HS6ST1: variants seen among roughly 807,000 people sequenced by gnomAD.
HS6ST1 encodes heparan sulfate 6-O-sulfotransferase 1, also known as heparan-sulfate 6-O-sulfotransferase 1.
HS6ST1 carries 3 observed loss-of-function variants against 25.2 expected under a neutral mutation model. That is an observed-to-expected ratio of 0.12 (90% CI 0.05 to 0.31). The LOEUF (loss-of-function observed/expected upper bound fraction) is 0.31, where lower values mean the gene tolerates loss of function less well. HS6ST1 is among the 10% of genes least tolerant of loss of function. The probability of loss-of-function intolerance (pLI) is 1.00; values close to 1 mark genes in which losing one functional copy is unlikely to be tolerated. For missense variants in HS6ST1, 310 were observed against 609.6 expected (o/e 0.51, Z 5.18); for synonymous variants, 204 against 275.1 (o/e 0.74, Z 2.56).
chr2:128,314,458 G>A (rs1009322515), intron 1 of HS6ST1, among the ~76,000 whole-genome samples: 19 of 152,204 alleles, frequency 1.2e-4, no homozygotes, highest in Admixed American at 8.5e-4. Context: ...CAACAGGGGA[G>A]CCTAGGAACA....
intron 1 of HS6ST1, among the ~76,000 whole-genome samples, chr2:128,283,634 G>A (rs1293374182): frequency 6.6e-6 from 1 of 152,170 alleles, no homozygotes; most frequent in Non-Finnish European, 1.5e-5. Flanking sequence ...CCTGGTCCTC[G>A]TGAGCATGTC....
intron 1 of HS6ST1, among the ~76,000 whole-genome samples, chr2:128,271,947 G>A (rs982678558): frequency 3.3e-5 from 5 of 152,188 alleles, no homozygotes; most frequent in African/African-American, 1.2e-4. Flanking sequence ...AGGTGAAGCC[G>A]GCACCTTGGG....
intron 1 of HS6ST1, among the ~76,000 whole-genome samples, chr2:128,301,460 C>T (rs1269853955): frequency 6.6e-6 from 1 of 152,150 alleles, no homozygotes; most frequent in Non-Finnish European, 1.5e-5. Context: ...CTTCTGAGAG[C>T]TCAGGATGGA....
At chr2:128,290,246 A>G (rs1262716563) in intron 1 of HS6ST1, 4 of 152,212 alleles carry the variant, frequency 2.6e-5, no homozygotes, top group Admixed American at 6.5e-5. Context: ...CCTACAAAGA[A>G]AGTGCTGGGC....
chr2:128,310,305 C>T (rs1285068260), intron 1 of HS6ST1, among the ~76,000 whole-genome samples: 2 of 152,204 alleles, frequency 1.3e-5, no homozygotes, highest in African/African-American at 4.8e-5. Context: ...CAGGCATCCC[C>T]CCGCAGTGAG....
rs769010467 is a variant in HS6ST1 at position 128,318,524 on chromosome 2, G to A, written c.40C>T (p.Arg14Cys). 1.3e-6 allele frequency: 2 copies of A among 1,533,838 alleles called. No homozygotes were observed. The highest frequency in any genetic ancestry group is 2.0e-5 in the Admixed American group (1 of 50,696). ...ACCACCAGCACGAACTTGCTGGCGC[G>A]CTCAACCATGGTCCTGCCGCCGGCG... ...RRAGGRTMVERASKFVLVVAG... is the reference protein window; with the variant it reads ...RRAGGRTMVECASKFVLVVAG... Residue 14 changes from arginine to cysteine, a missense_variant, in exon 1 of 2, where the codon CGC becomes TGC. Coordinates refer to ENST00000259241, the MANE Select transcript of HS6ST1 (RefSeq NM_004807.3). The surrounding 1 kb of genome is among the most constrained non-coding windows in gnomAD (Gnocchi z 5.7).
Position 128,266,960 on chromosome 2 carries a change from C to G in HS6ST1, c.*1202G>C, listed in dbSNP as rs1414606644. ...AGGGGGTGGGGAGCATGGGGAAATGCAAGGAGAGCCAGGGTGGGGAGGGCT... is the reference window on the plus strand; with the variant it reads ...AGGGGGTGGGGAGCATGGGGAAATGGAAGGAGAGCCAGGGTGGGGAGGGCT... On this transcript the variant is annotated 3_prime_UTR_variant, in exon 2 of 2. Transcript: ENST00000259241. 6.6e-6 allele frequency: 1 copy of G among 152,002 alleles called. No homozygotes were observed. The highest frequency in any genetic ancestry group is 1.5e-5 in the Non-Finnish European group (1 of 67,998). 9.4% of individuals were successfully genotyped at this position (152,002 alleles called of 1,614,324 possible).
rs184499443 is a variant in HS6ST1, at chr2:128,271,530, G to A, written c.528-2660C>T. Among the ~76,000 whole-genome samples the A allele has an allele frequency of 1.6e-3, 239 of 152,328 alleles. 3 individuals carry two copies. Among genetic ancestry groups the A allele is most frequent in the Non-Finnish European group, 3.0e-3 (203 of 68,030 alleles). Reference sequence around the variant, plus strand: ...GCCCTGGCTCCTCAGCTCTGGGGGTGCAGAACACGGGGAAATGCGAGGGAG... The same window carrying A: ...GCCCTGGCTCCTCAGCTCTGGGGGTACAGAACACGGGGAAATGCGAGGGAG... On this transcript the variant is annotated intron_variant, in intron 1 of 1. Transcript: ENST00000259241.
intron 1 of HS6ST1, among the ~76,000 whole-genome samples, chr2:128,312,774 C>T (rs1267686319): frequency 6.6e-6 from 1 of 152,146 alleles, no homozygotes; most frequent in Non-Finnish European, 1.5e-5. Flanking sequence ...AAAAAATTCA[C>T]AATAGGCTGG....
chr2:128,294,303 C>T (rs992700042), intron 1 of HS6ST1, among the ~76,000 whole-genome samples: 5 of 152,144 alleles, frequency 3.3e-5, no homozygotes, highest in Non-Finnish European at 5.9e-5. Flanking sequence ...GGGCACAGGG[C>T]GGGGTGGGCT....
chr2:128,311,637 A>G (rs764824191), intron 1 of HS6ST1, among the ~76,000 whole-genome samples: 15 of 152,332 alleles, frequency 9.8e-5, no homozygotes, highest in Middle Eastern at 3.4e-3. Flanking sequence ...AAAATGCCAC[A>G]TGGGATGGTG....
chr2:128,289,212 TCCGGGTGATGCA>T (rs1371283607), intron 1 of HS6ST1, among the ~76,000 whole-genome samples: 4 of 151,558 alleles, frequency 2.6e-5, no homozygotes, highest in Non-Finnish European at 4.4e-5. Context: ...GGGCGACAGC[TCCGGGTGATGCA>T]CTGAGAAAGC....
chr2:128,311,772 C>T (rs1474965593), intron 1 of HS6ST1, among the ~76,000 whole-genome samples: 1 of 152,230 alleles, frequency 6.6e-6, no homozygotes, highest in African/African-American at 2.4e-5. Flanking sequence ...GACCCACCTG[C>T]ACCCACACAG....
At chr2:128,317,323 C>A (rs561794491) in intron 1 of HS6ST1, among the ~76,000 whole-genome samples, 14 of 152,368 alleles carry the variant, frequency 9.2e-5, no homozygotes, top group Admixed American at 2.6e-4. Flanking sequence ...TACCCCCAAC[C>A]TGGCTGGTAG....
At chr2:128,275,840 C>T (rs1045827555) in intron 1 of HS6ST1, among the ~76,000 whole-genome samples, 11 of 152,178 alleles carry the variant, frequency 7.2e-5, no homozygotes, top group South Asian at 2.1e-4. Context: ...CCCAGATGCA[C>T]GTCGCAGAGG....
At position 128,266,112 on chromosome 2, in the gene HS6ST1, T is replaced by C. The variant is rs548251607; in HGVS notation, c.*2050A>G. 1 of 151,708 alleles carries C rather than the reference T, an allele frequency of 6.6e-6. No individual in the cohort carries two copies. Among genetic ancestry groups the C allele is most frequent in the South Asian group, 2.1e-4 (1 of 4,754 alleles). The allele number at this position is 151,708 out of a possible 1,614,324, so 9.4% of individuals were successfully genotyped here. A position where few individuals can be genotyped will look rare whatever the true frequency, so the allele number is the denominator to read the frequency against. On this transcript the variant is annotated 3_prime_UTR_variant, in exon 2 of 2. Coordinates refer to ENST00000259241, the MANE Select transcript of HS6ST1 (RefSeq NM_004807.3). ...CCAATATGTACAAAACAACCTGCGC[T>C]CAGGCCCGCGCACCCAGGAAGCCCA...
intron 1 of HS6ST1, among the ~76,000 whole-genome samples, chr2:128,300,624 C>T (rs376316584): frequency 1.0e-3 from 156 of 152,258 alleles, no homozygotes; most frequent in Non-Finnish European, 1.2e-3. Flanking sequence ...TTAATCTCTT[C>T]GGGGGAGGCT....
intron 1 of HS6ST1, among the ~76,000 whole-genome samples, chr2:128,294,612 G>A (rs1366427657): frequency 6.6e-6 from 1 of 152,148 alleles, no homozygotes; most frequent in Admixed American, 6.5e-5. Flanking sequence ...GGCCTGGAGA[G>A]CTGGGAGAAG....
intron 1 of HS6ST1, among the ~76,000 whole-genome samples, chr2:128,304,273 G>A (rs1484629790): frequency 1.3e-5 from 2 of 152,114 alleles, no homozygotes; most frequent in African/African-American, 2.4e-5. Flanking sequence ...CCCCCTCCCC[G>A]ACCCCTACGC....
Sources: allele counts gnomAD v4.1 joint callset (sites outside exome capture counted in the v4.1 genomes callset), GRCh38; gene constraint gnomAD v4.1.1; non-coding constraint Gnocchi (gnomAD v3.1); transcripts MANE v1.5; gene names NCBI Gene and HGNC (gene_info 2026-07-23, HGNC 2026-07-21).